TUSC3: variants seen among roughly 807,000 people sequenced by gnomAD.
TUSC3 encodes tumor suppressor candidate 3.
A neutral mutation model predicts 44.8 loss-of-function variants in TUSC3; 45 were observed. The observed-to-expected ratio is 1.00, with a 90% CI of 0.79 to 1.29. The LOEUF is 1.29. TUSC3 is among the 50% of genes most tolerant of loss of function. TUSC3 has a pLI of 0.00. For synonymous variants in TUSC3, 212 were observed against 152.9 expected, an observed-to-expected ratio of 1.39 and a Z score of -2.85; for missense variants, 519 against 437.9, an observed-to-expected ratio of 1.19 and a Z score of -1.65.
chr8:15,718,410 G>A (rs1810147503), intron 6 of TUSC3, among the ~76,000 whole-genome samples: 1 of 152,098 alleles, frequency 6.6e-6, no homozygotes, highest in South Asian at 2.1e-4. Flanking sequence ...TTGTTTGCAT[G>A]GAGAATATTG....
chr8:15,791,061 G>C, the TUSC3 span, among the ~76,000 whole-genome samples: 2 of 152,002 alleles, frequency 1.3e-5, no homozygotes, highest in Non-Finnish European at 1.5e-5. Context: ...CTAAACCCAG[G>C]GTAATGGAAA....
intron 6 of TUSC3, among the ~76,000 whole-genome samples, chr8:15,683,181 T>C (rs950830255): frequency 5.3e-5 from 8 of 152,196 alleles, no homozygotes; most frequent in African/African-American, 1.9e-4. Flanking sequence ...TTTCTTGTAT[T>C]TGCACTTTCA....
At chr8:15,804,179 G>C in the TUSC3 span, among the ~76,000 whole-genome samples, 1 of 152,144 alleles carries the variant, frequency 6.6e-6, no homozygotes, top group Non-Finnish European at 1.5e-5. Context: ...GTGTAAAAGT[G>C]TTCCTATTTC....
intron 2 of TUSC3, among the ~76,000 whole-genome samples, chr8:15,527,892 T>C (rs1801396933): frequency 6.6e-6 from 1 of 152,214 alleles, no homozygotes; most frequent in Admixed American, 6.5e-5. Context: ...TATATACACT[T>C]TTTAATGAGT....
At chr8:15,527,713 G>A (rs897262301) in intron 2 of TUSC3, among the ~76,000 whole-genome samples, 3 of 152,072 alleles carry the variant, frequency 2.0e-5, no homozygotes, top group Admixed American at 6.5e-5. Flanking sequence ...CCTACAGCTC[G>A]AATACTTCTG....
At chr8:15,789,361 A>G in the TUSC3 span, among the ~76,000 whole-genome samples, 1 of 152,082 alleles carries the variant, frequency 6.6e-6, no homozygotes, top group Non-Finnish European at 1.5e-5. Flanking sequence ...AGAAAATAGC[A>G]TTTTCAACAA....
chr8:15,547,849 T>C (rs1039274900), intron 1 of TUSC3, among the ~76,000 whole-genome samples: 3 of 151,736 alleles, frequency 2.0e-5, no homozygotes, highest in Admixed American at 1.3e-4. Flanking sequence ...AAAGAAAATT[T>C]ATTTTTCACT....
At chr8:15,655,543 A>G (rs1008326495) in intron 3 of TUSC3, among the ~76,000 whole-genome samples, 3 of 152,208 alleles carry the variant, frequency 2.0e-5, no homozygotes, top group Admixed American at 6.5e-5. Context: ...GTGCACTTTG[A>G]TGTCTCGAAG....
chr8:15,763,936 A>G (rs1183099165), intron 10 of TUSC3, among the ~76,000 whole-genome samples: 1 of 152,070 alleles, frequency 6.6e-6, no homozygotes, highest in Non-Finnish European at 1.5e-5. Context: ...CTAGCCAGCA[A>G]TGAAAGGAAT....
chr8:15,531,903 T>C (rs1163411496), intron 2 of TUSC3, among the ~76,000 whole-genome samples: 7 of 152,102 alleles, frequency 4.6e-5, no homozygotes, highest in Non-Finnish European at 8.8e-5. Flanking sequence ...ATAGTTACCA[T>C]CAAAGAAAAA....
At chr8:15,453,000 T>G (rs1239553512) in intron 1 of TUSC3, among the ~76,000 whole-genome samples, 1 of 152,136 alleles carries the variant, frequency 6.6e-6, no homozygotes, top group African/African-American at 2.4e-5. Flanking sequence ...AGTACCACTT[T>G]TAATAAGAGG....
intron 2 of TUSC3, among the ~76,000 whole-genome samples, chr8:15,497,778 T>A (rs189641364): frequency 1.1e-4 from 16 of 151,954 alleles, no homozygotes; most frequent in Admixed American, 2.6e-4. Flanking sequence ...AAAGTCTCGC[T>A]CTGTCTCCCA....
intron 1 of TUSC3, among the ~76,000 whole-genome samples, chr8:15,449,073 C>G (rs1377554087): frequency 6.6e-6 from 1 of 152,112 alleles, no homozygotes; most frequent in East Asian, 1.9e-4. Flanking sequence ...GAAAGGAGAG[C>G]TTTATTTCTC....
chr8:15,574,712 T>C (rs1385029379), intron 1 of TUSC3, among the ~76,000 whole-genome samples: 1 of 152,154 alleles, frequency 6.6e-6, no homozygotes, highest in Admixed American at 6.6e-5. Flanking sequence ...CATTTTTTCA[T>C]TTTCTTTTGA....
At chr8:15,525,624 C>T (rs1042082802) in intron 2 of TUSC3, among the ~76,000 whole-genome samples, 3 of 152,134 alleles carry the variant, frequency 2.0e-5, no homozygotes, top group Non-Finnish European at 4.4e-5. Context: ...TAGTAGATCA[C>T]TCATTTTCCC....
chr8:15,566,937 C>G (rs1802701531), intron 1 of TUSC3, among the ~76,000 whole-genome samples: 1 of 152,084 alleles, frequency 6.6e-6, no homozygotes, highest in Admixed American at 6.6e-5. Flanking sequence ...CATATTCTTA[C>G]AGGTTGTAAC....
At chr8:15,644,255 A>G (rs1315982020) in intron 2 of TUSC3, among the ~76,000 whole-genome samples, 1 of 152,200 alleles carries the variant, frequency 6.6e-6, no homozygotes, top group Non-Finnish European at 1.5e-5. Flanking sequence ...TTATTGCCTA[A>G]GCCTTCCTGG....
intron 1 of TUSC3, among the ~76,000 whole-genome samples, chr8:15,444,805 T>G (rs1800070718): frequency 6.6e-6 from 1 of 152,184 alleles, no homozygotes; most frequent in Non-Finnish European, 1.5e-5. Context: ...CTTAAAATGG[T>G]GACCAGTGAG....
At chr8:15,565,065 A>T (rs922109770) in intron 1 of TUSC3, among the ~76,000 whole-genome samples, 8 of 151,984 alleles carry the variant, frequency 5.3e-5, no homozygotes, top group African/African-American at 1.9e-4. Flanking sequence ...ACAGCAATCG[A>T]TTATCTTACA....
Sources: allele counts gnomAD v4.1 joint callset (sites outside exome capture counted in the v4.1 genomes callset), GRCh38; gene constraint gnomAD v4.1.1; transcripts MANE v1.5; gene names NCBI Gene and HGNC (gene_info 2026-07-23, HGNC 2026-07-21).